ATP8B3: variants seen among roughly 807,000 people sequenced by gnomAD.
ATP8B3 encodes the protein ATPase phospholipid transporting 8B3, also known as phospholipid-transporting ATPase IK.
ATP8B3 carries 141 observed loss-of-function variants against 140.9 expected under a neutral mutation model. The ratio of observed to expected loss-of-function variants is 1.00; its 90% CI spans 0.87 to 1.15. The LOEUF (loss-of-function observed/expected upper bound fraction) is 1.15. Among genes scored for constraint, ATP8B3 ranks in the 50% most tolerant of loss-of-function variants. The pLI is 0.00. For synonymous variants in ATP8B3, 765 were observed against 714.6 expected (o/e 1.07, Z -1.13); for missense variants, 1,874 against 1,740.6 (o/e 1.08, Z -1.36).
chr19:1,804,869 G>A (rs2068964446), intron 10 of ATP8B3, among the ~76,000 whole-genome samples: 1 of 152,244 alleles, frequency 6.6e-6, no homozygotes, highest in Non-Finnish European at 1.5e-5. Flanking sequence ...GTTCTCAGAG[G>A]CCTTCCCACC....
At position 1,783,093 on chromosome 19, in the gene ATP8B3, T is replaced by A. The variant is rs769971717; in HGVS notation, c.3838A>T (p.Ile1280Leu). ...GATGGGTCTAGGGATTCAGATGCTA[T>A]GTCACTGCTGACCCCTGGTCCCCTC... ...LRRGPGVSSD[I>L]ASESLDPSDE... The change falls in exon 29 of 29, where the codon ATA becomes TTA. Residue 1280 changes from isoleucine to leucine, a missense_variant. By Grantham distance (5) the Ile-to-Leu change is conservative. Around this residue, in one of 3 missense-constraint regions of ATP8B3, gnomAD observed 840 missense variants for 760.9 expected, o/e 1.10. Transcript: ENST00000310127. 1 of 1,613,302 alleles carries A rather than the reference T, an allele frequency of 6.2e-7. No individual in the cohort carries two copies. Among genetic ancestry groups the A allele is most frequent in the Admixed American group, 1.7e-5 (1 of 59,934 alleles).
chr19:1,789,336 C>T, intron 23 of ATP8B3, 25 bp downstream of exon 23: 1 of 1,483,036 alleles, frequency 6.7e-7, no homozygotes. Context: ...TCCCAGGCAC[C>T]CCCAGCCCCG....
At position 1,809,753 on chromosome 19, in the gene ATP8B3, G is replaced by A; in HGVS notation, c.311-19C>T. On this transcript the variant is annotated intron_variant, in intron 3 of 28. Transcript: ENST00000310127. ...GTGAATGCTGCAGCGAGAGAGCCGG[G>A]CGTCGCTGGAGCTCGAGGCCCAGGA... 1 of 1,592,574 alleles carries A rather than the reference G, an allele frequency of 6.3e-7. No homozygotes were observed. Among genetic ancestry groups the A allele is most frequent in the Non-Finnish European group, 8.6e-7 (1 of 1,169,452 alleles).
chr19:1,787,022 T>G, intron 25 of ATP8B3, 81 bp downstream of exon 25: 1 of 1,369,214 alleles, frequency 7.3e-7, no homozygotes, highest in Non-Finnish European at 1.0e-6. Context: ...CCAGGCTCCC[T>G]CTCCCCGCCC....
rs113588574 is a variant in ATP8B3 at position 1,790,856 on chromosome 19, C to G, written c.2303-24G>C. On this transcript the variant is annotated intron_variant, in intron 20 of 28. Transcript: ENST00000310127. ...TTCTGCGAAGCAGACCAGCTCAGCG[C>G]CTCTGCGACCCGCCCCGCACTGGCT... 726 of 1,570,954 alleles carry G rather than the reference C, an allele frequency of 4.6e-4. 11 individuals are homozygous for G. The East Asian group carries it at 0.014, about 30-fold the overall frequency.
rs950186346 is a variant in ATP8B3 at position 1,782,886 on chromosome 19, G to GTTGGT, written c.*137_*141dup. 54 of 1,135,098 alleles carry GTTGGT rather than the reference G, an allele frequency of 4.8e-5. No homozygotes were observed. In the African/African-American group the frequency reaches 8.2e-4, roughly 17 times the overall value. The allele number at this position is 1,135,098 out of a possible 1,614,324, so 70.3% of individuals were successfully genotyped here. On this transcript the variant is annotated 3_prime_UTR_variant, in exon 29 of 29. Coordinates refer to ENST00000310127, the MANE Select transcript of ATP8B3 (RefSeq NM_138813.4). The stretch of plus-strand genomic sequence containing the variant: ...GTGAGCACATATTTGGGGAGGGCAG[G>GTTGGT]TTGGTTTTCTGGATGAAGAGCGGAT...
intron 3 of ATP8B3, 135 bp downstream of exon 3, chr19:1,810,487 C>T: frequency 1.3e-6 from 1 of 799,872 alleles, no homozygotes; most frequent in Non-Finnish European, 1.9e-6. Flanking sequence ...GGCTCTCGAA[C>T]CCCTGACCTC....
Position 1,806,629 on chromosome 19 carries a change from T to C in ATP8B3, c.676A>G (p.Ser226Gly). The change falls in exon 7 of 29, where the codon AGC (serine) becomes GGC (glycine). Residue 226 changes from serine (S) to glycine (G), a missense_variant and splice_region_variant. Transcript: ENST00000310127. This position sits in a 1 kb window ranked among gnomAD's most constrained non-coding sequence, Gnocchi z 5.6. ...CCCCAGCTGCAGCCCCAGCCTCACC[T>C]CTTCCCCATCAGAATCTGGCAGGGT... ...NRPCQILMGKSFKQKKWQDLC... is the reference protein window; with the variant it reads ...NRPCQILMGKGFKQKKWQDLC... 5 of 1,557,746 alleles carry C rather than the reference T, an allele frequency of 3.2e-6. No homozygotes were observed. Among genetic ancestry groups the C allele is most frequent in the Non-Finnish European group, 4.3e-6 (5 of 1,150,970 alleles).
Position 1,785,234 on chromosome 19 carries a change from A to C in ATP8B3, c.3457T>G (p.Phe1153Val). The stretch of plus-strand genomic sequence containing the variant: ...GTGGTGGTAGTCATGATGGCGTAGA[A>C]ACCAAGGCTGAGGAGGATGGTCGCC... ...CVATILLSLG[F>V]YAIMTTTTQS... Residue 1153 changes from phenylalanine (F) to valine (V), a missense_variant, in exon 27 of 29, where the codon TTC (phenylalanine) becomes GTC (valine). By Grantham distance (50) the Phe-to-Val change is conservative. Coordinates refer to ENST00000310127, the MANE Select transcript of ATP8B3 (RefSeq NM_138813.4). 1 of 1,609,470 alleles carries C rather than the reference A, an allele frequency of 6.2e-7. No homozygotes were observed. Among genetic ancestry groups the C allele is most frequent in the Non-Finnish European group, 8.5e-7 (1 of 1,177,902 alleles).
chr19:1,782,254 G>A lies in ATP8B3; in HGVS notation c.*774C>T. 1 of 324,664 alleles carries A rather than the reference G, an allele frequency of 3.1e-6. No homozygotes were observed. The allele number at this position is 324,664 out of a possible 1,614,324, so 20.1% of individuals were successfully genotyped here. A position where few individuals can be genotyped will look rare whatever the true frequency, so the allele number is the denominator to read the frequency against. On this transcript the variant is annotated 3_prime_UTR_variant, in exon 29 of 29. Transcript: ENST00000310127. ...GCGTGACTCCTTTGGGCTCGAAGAT[G>A]CCTCTTCATCAGATGGGTCTAGGGA...
Position 1,807,917 on chromosome 19 carries a change from G to T in ATP8B3, c.516+305C>A, listed in dbSNP as rs914687010. Among the ~76,000 whole-genome samples the T allele has an allele frequency of 1.1e-4, 16 of 152,250 alleles. No homozygotes were observed. Among genetic ancestry groups the T allele is most frequent in the African/African-American group, 3.9e-4 (16 of 41,472 alleles). ...GGAGGGCGGGGGCCAGGGGAGCTGCGTGGCCGAGGCCGTTTAGGCTGGGGA... is the reference window on the plus strand; with the variant it reads ...GGAGGGCGGGGGCCAGGGGAGCTGCTTGGCCGAGGCCGTTTAGGCTGGGGA... On this transcript the variant is annotated intron_variant, in intron 5 of 28. Coordinates refer to ENST00000310127, the MANE Select transcript of ATP8B3 (RefSeq NM_138813.4). The surrounding 1 kb of genome is among the most constrained non-coding windows in gnomAD (Gnocchi z 5.9).
chr19:1,784,802 G>C lies in ATP8B3; in HGVS notation c.3660+17C>G. On this transcript the variant is annotated intron_variant, in intron 28 of 28. Transcript: ENST00000310127. ...GGAATGTACCAGATGAGGACCCCAG[G>C]CCCAGGCCCACCTCACCTTGGCACG... 1 of 1,584,972 alleles carries C rather than the reference G, an allele frequency of 6.3e-7. No individual in the cohort carries two copies. The highest frequency in any genetic ancestry group is 1.2e-5 in the South Asian group (1 of 86,070).
chr19:1,797,657 G>C (rs1408410640), intron 14 of ATP8B3, among the ~76,000 whole-genome samples: 3 of 151,424 alleles, frequency 2.0e-5, no homozygotes, highest in African/African-American at 7.3e-5. Flanking sequence ...ATGTCACCAC[G>C]CCTGGCTCAT....
chr19:1,806,079 G>A lies in ATP8B3; in HGVS notation c.750+18C>T. The A allele has an allele frequency of 1.9e-6, 3 of 1,601,956 alleles. No homozygotes were observed. The highest frequency in any genetic ancestry group is 3.3e-4 in the Middle Eastern group (2 of 6,052). On this transcript the variant is annotated intron_variant, in intron 8 of 28. Coordinates refer to ENST00000310127, the MANE Select transcript of ATP8B3 (RefSeq NM_138813.4). The surrounding 1 kb of genome is among the most constrained non-coding windows in gnomAD (Gnocchi z 5.6). ...GGGGGCGCGTGGTTCTGGGACCTCG[G>A]GGTCAACCCCAGCTCACTGGGACGA...
At chr19:1,785,384 C>T in intron 26 of ATP8B3, 85 bp downstream of exon 26, 1 of 1,556,672 alleles carries the variant, frequency 6.4e-7, no homozygotes, top group Non-Finnish European at 8.7e-7. Context: ...GGGCACCTGG[C>T]AATGCCCCCA....
intron 18 of ATP8B3, among the ~76,000 whole-genome samples, chr19:1,795,241 C>A (rs1464632914): frequency 6.6e-6 from 1 of 151,820 alleles, no homozygotes; most frequent in Non-Finnish European, 1.5e-5. Context: ...GGCAACAGTG[C>A]AAGACTCCCT....
chr19:1,811,466 C>A lies in ATP8B3; in HGVS notation c.248+23G>T, dbSNP rs201561038. ...CCAAGCCCCTGCCCCTGTGTTCCGG[C>A]CACCCGATGCACCCGTCCTCACCCT... On this transcript the variant is annotated intron_variant, in intron 2 of 28. Coordinates refer to ENST00000310127, the MANE Select transcript of ATP8B3 (RefSeq NM_138813.4). 3.7e-6 allele frequency: 6 copies of A among 1,602,778 alleles called. 1 individual carries two copies. Among genetic ancestry groups the A allele is most frequent in the Non-Finnish European group, 5.1e-6 (6 of 1,174,792 alleles).
In ATP8B3 at chr19:1,806,114, T is replaced by G. The variant is rs748387032; in HGVS notation, c.733A>C (p.Lys245Gln). The change falls in exon 8 of 29, where the codon AAG becomes CAG. Residue 245 changes from lysine (K) to glutamine (Q), a missense_variant. This residue lies in a region of ATP8B3 where 1,032 missense variants were observed against 963.6 expected (regional missense o/e 1.07). Transcript: ENST00000310127. The surrounding 1 kb of genome is among the most constrained non-coding windows in gnomAD (Gnocchi z 5.6). ...LCVGDVVCLR[K>Q]DNIVPADMLL... ...CAGCTCACTGGGACGATGTTGTCCT[T>G]GCGGAGACAGACCACATCCCCCACG... 3.1e-6 allele frequency: 5 copies of G among 1,602,982 alleles called. No individual in the cohort carries two copies. The South Asian group carries it at 4.5e-5, about 14-fold the overall frequency.
rs2068280749 is a variant in ATP8B3 at position 1,785,609 on chromosome 19, G to A, written c.3253C>T (p.His1085Tyr). Reference sequence around the variant, plus strand: ...TTGACCAGAGAGGTGGTCACACCATGGGCGATGGCTTGGACGAAGACCCAG... The same window carrying A: ...TTGACCAGAGAGGTGGTCACACCATAGGCGATGGCTTGGACGAAGACCCAG... Reference protein sequence around the residue: ...NYWVFVQAIAHGVTTSLVNFF... With the variant: ...NYWVFVQAIAYGVTTSLVNFF... Residue 1085 changes from histidine to tyrosine, a missense_variant, in exon 26 of 29, where the codon CAT becomes TAT. This residue lies in a region of ATP8B3 where 840 missense variants were observed against 760.9 expected (regional missense o/e 1.10). Transcript: ENST00000310127. 2 of 1,613,166 alleles carry A rather than the reference G, an allele frequency of 1.2e-6. No homozygotes were observed. Among genetic ancestry groups the A allele is most frequent in the Middle Eastern group, 1.6e-4 (1 of 6,084 alleles).
Sources: allele counts gnomAD v4.1 joint callset (sites outside exome capture counted in the v4.1 genomes callset), GRCh38; gene constraint gnomAD v4.1.1; regional missense constraint gnomAD v4.1.1; non-coding constraint Gnocchi (gnomAD v3.1); transcripts MANE v1.5; gene names NCBI Gene and HGNC (gene_info 2026-07-23, HGNC 2026-07-21).